LRRTM4: variants seen among roughly 807,000 people sequenced by gnomAD.
LRRTM4 encodes the protein leucine-rich repeat transmembrane neuronal protein 4.
A neutral mutation model predicts 47.6 loss-of-function variants in LRRTM4; 25 were observed. That is an observed-to-expected ratio of 0.53 (90% CI 0.38 to 0.73). The LOEUF is 0.73. Ranked by LOEUF, LRRTM4 falls within the 30% of genes least tolerant of loss-of-function variation. The pLI is 0.00. For synonymous variants in LRRTM4, 311 were observed against 269.5 expected, an observed-to-expected ratio of 1.15 and a Z score of -1.51; for missense variants, 638 against 713.4, an observed-to-expected ratio of 0.89 and a Z score of 1.20.
intron 3 of LRRTM4, among the ~76,000 whole-genome samples, chr2:76,866,326 G>A (rs1296496627): frequency 1.3e-5 from 2 of 152,168 alleles, no homozygotes. Flanking sequence ...TCGCCTACAT[G>A]AAACAATTAT....
At chr2:77,082,320 TATG>T (rs1438163933) in intron 3 of LRRTM4, among the ~76,000 whole-genome samples, 1 of 152,128 alleles carries the variant, frequency 6.6e-6, no homozygotes. Context: ...CTTGGACACT[TATG>T]ATGTGTCTCA....
At chr2:77,477,451 T>C (rs1466808783) in intron 3 of LRRTM4, among the ~76,000 whole-genome samples, 1 of 152,180 alleles carries the variant, frequency 6.6e-6, no homozygotes, top group Non-Finnish European at 1.5e-5. Context: ...AGATAAATTA[T>C]GTTCCATTTA....
intron 3 of LRRTM4, among the ~76,000 whole-genome samples, chr2:77,441,498 C>G (rs997002029): frequency 6.6e-6 from 1 of 152,114 alleles, no homozygotes; most frequent in African/African-American, 2.4e-5. Flanking sequence ...AATGTCAACT[C>G]TTTTACTGAT....
intron 3 of LRRTM4, among the ~76,000 whole-genome samples, chr2:76,784,904 A>G (rs529991413): frequency 2.6e-5 from 4 of 152,234 alleles, no homozygotes; most frequent in African/African-American, 9.6e-5. Context: ...ATTTTACACA[A>G]AATTAATTCA....
At chr2:77,384,359 T>C (rs1279936301) in intron 3 of LRRTM4, among the ~76,000 whole-genome samples, 2 of 151,942 alleles carry the variant, frequency 1.3e-5, no homozygotes, top group African/African-American at 2.4e-5. Flanking sequence ...TCCAAGTTAT[T>C]TGACTATTCA....
rs569558033 is a variant in LRRTM4 at position 76,838,081 on chromosome 2, TATA to T, written c.1552-89168_1552-89166del. On this transcript the variant is annotated intron_variant, in intron 3 of 3. Transcript: ENST00000409884. ...TGCACATGTACCCTAAAACTTAAAG[TATA>T]ATAATAATAATAATAATAAAAGAAT... is the stretch of plus-strand genomic sequence containing the variant. Among the ~76,000 whole-genome samples the T allele has an allele frequency of 6.8e-3, 971 of 142,760 alleles. 4 individuals carry two copies. The highest frequency in any genetic ancestry group is 0.01 in the African/African-American group (398 of 39,386). The allele number at this position is 142,760 out of a possible 152,430, so 93.7% of individuals were successfully genotyped here. A position where few individuals can be genotyped will look rare whatever the true frequency, so the allele number is the denominator to read the frequency against.
At chr2:77,477,003 T>C (rs1677425570) in intron 3 of LRRTM4, among the ~76,000 whole-genome samples, 1 of 148,678 alleles carries the variant, frequency 6.7e-6, no homozygotes, top group African/African-American at 2.5e-5. Flanking sequence ...TGTGTATGTG[T>C]GTACTTTTAT....
chr2:77,357,978 T>G (rs574781387), intron 3 of LRRTM4, among the ~76,000 whole-genome samples: 1 of 152,278 alleles, frequency 6.6e-6, no homozygotes, highest in East Asian at 1.9e-4. Context: ...TTGGACAAAA[T>G]TAGAATATAA....
At chr2:76,812,073 C>G (rs1404816179) in intron 3 of LRRTM4, among the ~76,000 whole-genome samples, 1 of 152,092 alleles carries the variant, frequency 6.6e-6, no homozygotes, top group Non-Finnish European at 1.5e-5. Flanking sequence ...AACTTATACT[C>G]CTTTTGATAG....
intron 3 of LRRTM4, among the ~76,000 whole-genome samples, chr2:76,757,009 G>T (rs1673054969): frequency 6.6e-6 from 1 of 151,796 alleles, no homozygotes; most frequent in Non-Finnish European, 1.5e-5. Context: ...TCTAATTTAT[G>T]GAATAATTCA....
At chr2:76,860,321 G>A (rs1672276498) in intron 3 of LRRTM4, among the ~76,000 whole-genome samples, 1 of 152,130 alleles carries the variant, frequency 6.6e-6, no homozygotes, top group South Asian at 2.1e-4. Context: ...AACAGTCCAT[G>A]TTACTAATTT....
intron 3 of LRRTM4, among the ~76,000 whole-genome samples, chr2:77,134,280 A>T (rs997694948): frequency 6.6e-6 from 1 of 152,158 alleles, no homozygotes; most frequent in Non-Finnish European, 1.5e-5. Context: ...TAGTGCCGTG[A>T]CTTGTTAATA....
intron 3 of LRRTM4, among the ~76,000 whole-genome samples, chr2:76,800,045 T>G (rs1473739860): frequency 6.6e-6 from 1 of 151,848 alleles, no homozygotes; most frequent in African/African-American, 2.4e-5. Flanking sequence ...ATTTACAGAT[T>G]CAATGCCATC....
chr2:76,972,500 C>T (rs1179424625), intron 3 of LRRTM4, among the ~76,000 whole-genome samples: 7 of 147,952 alleles, frequency 4.7e-5, no homozygotes, highest in African/African-American at 1.3e-4. Context: ...TCACTGCAAC[C>T]TCTGCCTCCT....
intron 3 of LRRTM4, among the ~76,000 whole-genome samples, chr2:77,312,046 C>T (rs1399740593): frequency 6.6e-6 from 1 of 151,912 alleles, no homozygotes; most frequent in Non-Finnish European, 1.5e-5. Flanking sequence ...GTTCCCATAG[C>T]CCCCACCCAC....
intron 3 of LRRTM4, among the ~76,000 whole-genome samples, chr2:76,945,225 C>A (rs545743793): frequency 6.6e-6 from 1 of 152,154 alleles, no homozygotes; most frequent in African/African-American, 2.4e-5. Context: ...GTAACATCAA[C>A]TCTAGAGAAA....
chr2:76,798,314 C>G (rs866330002), intron 3 of LRRTM4, among the ~76,000 whole-genome samples: 1 of 152,068 alleles, frequency 6.6e-6, no homozygotes, highest in Non-Finnish European at 1.5e-5. Flanking sequence ...AACCACTCAA[C>G]TACATGGAAA....
intron 3 of LRRTM4, among the ~76,000 whole-genome samples, chr2:77,028,182 C>T (rs1678519246): frequency 6.6e-6 from 1 of 151,930 alleles, no homozygotes; most frequent in Non-Finnish European, 1.5e-5. Flanking sequence ...ATCTAAAGTC[C>T]AAAGCAAGTT....
intron 3 of LRRTM4, among the ~76,000 whole-genome samples, chr2:77,430,535 A>G (rs1019202543): frequency 2.6e-5 from 4 of 151,808 alleles, no homozygotes; most frequent in African/African-American, 9.7e-5. Flanking sequence ...CAGCCTGACC[A>G]ACACGGAGAA....
Sources: gnomAD v4.1 joint callset for allele counts (sites outside exome capture counted in the v4.1 genomes callset) on GRCh38, gnomAD v4.1.1 for gene constraint, MANE v1.5 for transcripts, NCBI Gene and HGNC (gene_info 2026-07-23, HGNC 2026-07-21) for gene names.